Variants in TSHZ2 observed in about 807,000 individuals in gnomAD.
TSHZ2 encodes the protein teashirt homolog 2.
A neutral mutation model predicts 74.4 loss-of-function variants in TSHZ2; 21 were observed. That is an observed-to-expected ratio of 0.28 (90% CI 0.20 to 0.41). TSHZ2 has a LOEUF of 0.41. TSHZ2 is among the 10% of genes least tolerant of loss of function. TSHZ2 has a pLI of 1.00. For synonymous variants in TSHZ2, 540 were observed against 515.3 expected (o/e 1.05, Z -0.65); for missense variants, 1,244 against 1,293.5 (o/e 0.96, Z 0.59).
intron 1 of TSHZ2, among the ~76,000 whole-genome samples, chr20:53,082,698 G>C (rs894058778): frequency 6.6e-6 from 1 of 152,200 alleles, no homozygotes; most frequent in Admixed American, 6.5e-5. Context: ...AAACAAAGTT[G>C]GAAATGATAA....
At chr20:53,480,980 G>A (rs990900756) in intron 2 of TSHZ2, among the ~76,000 whole-genome samples, 1 of 151,954 alleles carries the variant, frequency 6.6e-6, no homozygotes, top group African/African-American at 2.4e-5. Flanking sequence ...GAACTTTTTA[G>A]ATATGTAATT....
chr20:53,470,562 T>A (rs757964006), intron 2 of TSHZ2, among the ~76,000 whole-genome samples: 1 of 152,144 alleles, frequency 6.6e-6, no homozygotes, highest in Non-Finnish European at 1.5e-5. Flanking sequence ...ATGCCTGTAA[T>A]CCCAGTACTT....
intron 1 of TSHZ2, chr20:53,178,104 A>T (rs1431137508): frequency 2.0e-5 from 3 of 152,210 alleles, no homozygotes; most frequent in African/African-American, 7.2e-5. Context: ...TGGTTGCATG[A>T]CCTGGATAAT....
chr20:52,987,950 G>T (rs1180779396), intron 1 of TSHZ2, among the ~76,000 whole-genome samples: 1 of 151,976 alleles, frequency 6.6e-6, no homozygotes, highest in Non-Finnish European at 1.5e-5. Context: ...TGTATTTTTT[G>T]GAATCTCCTC....
chr20:53,194,978 C>T (rs1032280238), intron 1 of TSHZ2, among the ~76,000 whole-genome samples: 3 of 152,230 alleles, frequency 2.0e-5, no homozygotes, highest in African/African-American at 4.8e-5. Flanking sequence ...CTCCTCCTCC[C>T]ACACTTTTTT....
chr20:53,204,310 ATAACATGATG>A (rs1187823548), intron 1 of TSHZ2, among the ~76,000 whole-genome samples: 1 of 125,622 alleles, frequency 8.0e-6, no homozygotes, highest in Non-Finnish European at 1.8e-5. Context: ...ATATCATCAT[ATAACATGATG>A]ATATGATACT....
chr20:53,099,744 C>T (rs1306275985), intron 1 of TSHZ2, among the ~76,000 whole-genome samples: 1 of 152,136 alleles, frequency 6.6e-6, no homozygotes, highest in African/African-American at 2.4e-5. Flanking sequence ...TCTTGTGAGA[C>T]CTATTCACTA....
intron 1 of TSHZ2, among the ~76,000 whole-genome samples, chr20:53,035,921 TTTATACATATTTG>T (rs1983802186): frequency 6.6e-6 from 1 of 152,224 alleles, no homozygotes; most frequent in Admixed American, 6.5e-5. Context: ...GTGTATATTT[TTTATACATATTTG>T]TTAGAATATC....
At chr20:53,362,813 T>A (rs997736701) in intron 2 of TSHZ2, among the ~76,000 whole-genome samples, 9 of 152,200 alleles carry the variant, frequency 5.9e-5, no homozygotes, top group African/African-American at 2.2e-4. Flanking sequence ...CCCTTAAAAA[T>A]TGTGCTTGTA....
At chr20:53,193,029 A>G (rs1988775994) in intron 1 of TSHZ2, among the ~76,000 whole-genome samples, 2 of 152,194 alleles carry the variant, frequency 1.3e-5, no homozygotes. Context: ...GACATGCGGA[A>G]CGCTCTTATC....
intron 2 of TSHZ2, among the ~76,000 whole-genome samples, chr20:53,327,578 C>A (rs1979547676): frequency 1.3e-5 from 2 of 152,208 alleles, no homozygotes; most frequent in Non-Finnish European, 1.5e-5. Flanking sequence ...GGTTATCTTC[C>A]AGAGATGCGA....
At chr20:53,123,930 TGCA>T (rs1270570878) in intron 1 of TSHZ2, among the ~76,000 whole-genome samples, 1 of 152,224 alleles carries the variant, frequency 6.6e-6, no homozygotes, top group East Asian at 1.9e-4. Context: ...TCCGTGTTAA[TGCA>T]GCATCTTCCA....
rs375629376 is a variant in TSHZ2, at chr20:53,437,816, G to A, written c.*9-49328G>A. Among the ~76,000 whole-genome samples the A allele has an allele frequency of 9.8e-5, 15 of 152,292 alleles. No individual in the cohort carries two copies. In the East Asian group the frequency reaches 2.3e-3, roughly 24 times the overall value. On this transcript the variant is annotated intron_variant, in intron 2 of 2. Transcript: ENST00000371497. ...CTGTTGGTTCACACCACGGCTGACT[G>A]TAAAAAAAGTGTGACACCTCTCCCT...
At chr20:52,990,307 C>T (rs1346642744) in intron 1 of TSHZ2, among the ~76,000 whole-genome samples, 2 of 152,058 alleles carry the variant, frequency 1.3e-5, no homozygotes, top group African/African-American at 4.8e-5. Context: ...ACCCCTCTAA[C>T]CAAAGATGTC....
rs145101834 is a variant in TSHZ2, at chr20:53,001,661, C to A, written c.40+28328C>A. Among the ~76,000 whole-genome samples, 372 of 152,216 alleles carry A rather than the reference C, an allele frequency of 2.4e-3. 2 individuals are homozygous for A. Among genetic ancestry groups the A allele is most frequent in the East Asian group, 0.021 (110 of 5,174 alleles). On this transcript the variant is annotated intron_variant, in intron 1 of 2. Coordinates refer to ENST00000371497, the MANE Select transcript of TSHZ2 (RefSeq NM_173485.6). ...CTGCTGGATGAAACTTTTTCTTTTG[C>A]CCCAGACTAAATAAAGCCCCACCTC...
chr20:53,288,694 G>A (rs1020688135), intron 2 of TSHZ2, among the ~76,000 whole-genome samples: 16 of 152,150 alleles, frequency 1.1e-4, no homozygotes, highest in African/African-American at 3.9e-4. Flanking sequence ...CATTCTAGTG[G>A]GAAAGACAGA....
intron 1 of TSHZ2, among the ~76,000 whole-genome samples, chr20:53,124,381 C>T (rs772219411): frequency 1.3e-5 from 2 of 152,168 alleles, no homozygotes; most frequent in Non-Finnish European, 2.9e-5. Flanking sequence ...ACAAACTGCT[C>T]AAGCAGTGCT....
At chr20:53,446,594 A>AAG (rs1313084084) in intron 2 of TSHZ2, among the ~76,000 whole-genome samples, 15 of 150,242 alleles carry the variant, frequency 1.0e-4, no homozygotes, top group Non-Finnish European at 1.9e-4. Flanking sequence ...AAAAAAAAAA[A>AAG]AGAGAGAGAA....
intron 1 of TSHZ2, among the ~76,000 whole-genome samples, chr20:53,006,858 G>T (rs1160402981): frequency 6.6e-6 from 1 of 151,878 alleles, no homozygotes; most frequent in African/African-American, 2.4e-5. Context: ...TTTGTTTGGG[G>T]TCAAACATGA....
Sources: gnomAD v4.1 joint callset for allele counts (sites outside exome capture counted in the v4.1 genomes callset) on GRCh38, gnomAD v4.1.1 for gene constraint, MANE v1.5 for transcripts, NCBI Gene and HGNC (gene_info 2026-07-23, HGNC 2026-07-21) for gene names.